CENPO: variants seen among roughly 807,000 people sequenced by gnomAD.
CENPO encodes centromere protein O.
Under a neutral mutation model 36.1 loss-of-function variants are expected in CENPO, and 30 were observed. That is an observed-to-expected ratio of 0.83 (90% CI 0.62 to 1.13). CENPO has a LOEUF of 1.13. Among genes scored for constraint, CENPO ranks in the 50% most tolerant of loss-of-function variants. The pLI, the probability that CENPO is intolerant of heterozygous loss-of-function variation, is 0.00. For synonymous variants in CENPO, 171 were observed against 142.3 expected (o/e 1.20, Z -1.44); for missense variants, 349 against 357.8 (o/e 0.98, Z 0.20).
intron 3 of CENPO, among the ~76,000 whole-genome samples, chr2:24,807,089 C>T (rs1666439415): frequency 1.3e-5 from 2 of 152,200 alleles, no homozygotes; most frequent in African/African-American, 4.8e-5. Flanking sequence ...GTCAACAACC[C>T]TTCATTGCCC....
rs1401695241 is a variant in CENPO, at chr2:24,793,483, A to G, written c.-87A>G. Reference sequence around the variant, plus strand: ...GGTTTTGAAGACGTGGATGGCGGGAATTCTCGCTTCTGGCCTGGGTGAGCT... The same window carrying G: ...GGTTTTGAAGACGTGGATGGCGGGAGTTCTCGCTTCTGGCCTGGGTGAGCT... On this transcript the variant is annotated 5_prime_UTR_variant, in exon 1 of 8. Transcript: ENST00000380834. 1.9e-6 allele frequency: 3 copies of G among 1,602,682 alleles called. No individual in the cohort carries two copies. The East Asian group carries it at 6.7e-5, about 36-fold the overall frequency.
At position 24,820,573 on chromosome 2, in the gene CENPO, T is replaced by C; in HGVS notation, c.*1255T>C. 6.9e-7 allele frequency: 1 copy of C among 1,450,464 alleles called. No individual in the cohort carries two copies. Among genetic ancestry groups the C allele is most frequent in the Non-Finnish European group, 9.2e-7 (1 of 1,089,290 alleles). The allele number at this position is 1,450,464 out of a possible 1,614,324, so 89.8% of individuals were successfully genotyped here. On this transcript the variant is annotated 3_prime_UTR_variant, in exon 8 of 8. Transcript: ENST00000380834. The stretch of plus-strand genomic sequence containing the variant: ...TTCTTCCTGTGCTGAGGCTAGCTAT[T>C]GCAGAGATTCTTTTCCACTTGCCCC...
Position 24,821,880 on chromosome 2 carries a change from T to G in CENPO, c.*2562T>G. 1 of 503,894 alleles carries G rather than the reference T, an allele frequency of 2.0e-6. No individual in the cohort carries two copies. The highest frequency in any genetic ancestry group is 2.7e-5 in the South Asian group (1 of 37,374). 31.2% of individuals were successfully genotyped at this position (503,894 alleles called of 1,614,324 possible). On this transcript the variant is annotated 3_prime_UTR_variant, in exon 8 of 8. Transcript: ENST00000380834. ...AGCAGAGGAGACGGACCTGTGAGTCTGACCACGAGGCGGACCCCTTCACCT... is the reference window on the plus strand; with the variant it reads ...AGCAGAGGAGACGGACCTGTGAGTCGGACCACGAGGCGGACCCCTTCACCT...
intron 7 of CENPO, among the ~76,000 whole-genome samples, chr2:24,818,957 G>A (rs1415695463): frequency 6.6e-6 from 1 of 152,268 alleles, no homozygotes. Context: ...CAGGAACAGT[G>A]CAGGGGATTA....
chr2:24,793,609 C>G, intron 1 of CENPO, 108 bp downstream of exon 1: 1 of 1,441,728 alleles, frequency 6.9e-7, no homozygotes, highest in Non-Finnish European at 9.2e-7. Context: ...GCCGGGAAGC[C>G]CGCTGGACCA....
At position 24,820,731 on chromosome 2, in the gene CENPO, T is replaced by G; in HGVS notation, c.*1413T>G. The G allele has an allele frequency of 6.2e-7, 1 of 1,614,120 alleles. No individual in the cohort carries two copies. Among genetic ancestry groups the G allele is most frequent in the Non-Finnish European group, 8.5e-7 (1 of 1,179,998 alleles). ...CTGTGCCACTGGACATACCTGAATG[T>G]TGCCCATGACCCCCGTGGACTCCAT... On this transcript the variant is annotated 3_prime_UTR_variant, in exon 8 of 8. Coordinates refer to ENST00000380834, the MANE Select transcript of CENPO (RefSeq NM_001322101.2).
At chr2:24,806,087 A>G (rs900937671) in intron 3 of CENPO, among the ~76,000 whole-genome samples, 11 of 152,320 alleles carry the variant, frequency 7.2e-5, no homozygotes, top group South Asian at 2.1e-4. Flanking sequence ...TGTGCTAGCA[A>G]TGAGCAGGCT....
chr2:24,816,066 C>G (rs1247234850), intron 5 of CENPO: 1 of 366,890 alleles, frequency 2.7e-6, no homozygotes, highest in African/African-American at 2.1e-5. Flanking sequence ...TATGGCGTGC[C>G]TACTATGTAC....
At chr2:24,817,411 C>T (rs903570997) in intron 6 of CENPO, among the ~76,000 whole-genome samples, 1 of 148,234 alleles carries the variant, frequency 6.7e-6, no homozygotes, top group Non-Finnish European at 1.5e-5. Flanking sequence ...AGTTAGATTC[C>T]AGTCCCCAGT....
intron 3 of CENPO, among the ~76,000 whole-genome samples, chr2:24,804,942 C>T (rs1425421281): frequency 6.6e-6 from 1 of 152,200 alleles, no homozygotes. Context: ...GTTCCATTCT[C>T]CCCATCACTT....
chr2:24,799,886 T>C (rs1167620616), intron 3 of CENPO, 42 bp downstream of exon 3: 2 of 1,591,126 alleles, frequency 1.3e-6, no homozygotes, highest in Non-Finnish European at 1.7e-6. Flanking sequence ...TAGAGTATAA[T>C]GAACAAACGT....
Position 24,817,685 on chromosome 2 carries a change from C to A in CENPO, c.782C>A (p.Ser261Tyr), listed in dbSNP as rs1436666936. The change falls in exon 7 of 8, where the codon TCC (serine) becomes TAC (tyrosine). Residue 261 changes from serine to tyrosine, a missense_variant. Coordinates refer to ENST00000380834, the MANE Select transcript of CENPO (RefSeq NM_001322101.2). ...TTCTTTTTAGGAGTGGAAGTATTAT[C>A]CACTTCATGGGAGGAGCAACGAGCA... ...TVTCQGVEVL[S>Y]TSWEEQRASH... is the part of the protein sequence containing the mutation. 4 of 1,614,152 alleles carry A rather than the reference C, an allele frequency of 2.5e-6. No homozygotes were observed. The highest frequency in any genetic ancestry group is 3.4e-6 in the Non-Finnish European group (4 of 1,180,012).
In CENPO at chr2:24,821,949, T is replaced by C; in HGVS notation, c.*2631T>C. 3.1e-6 allele frequency: 1 copy of C among 319,194 alleles called. No individual in the cohort carries two copies. The highest frequency in any genetic ancestry group is 4.5e-5 in the South Asian group (1 of 22,048). The allele number at this position is 319,194 out of a possible 1,614,324, so 19.8% of individuals were successfully genotyped here. ...GTCCTTAGGTTTTGTCAGGTTGTCC[T>C]TGTTTGGATCCCTCAACTAGGTGAT... On this transcript the variant is annotated 3_prime_UTR_variant, in exon 8 of 8. Transcript: ENST00000380834.
chr2:24,822,314 T>C lies in CENPO; in HGVS notation c.*2996T>C, dbSNP rs1265803659. ...GCCTGAGCTGTGAACAGCAGGGGGT[T>C]GTGTGTCTGTTCTGTTTCTCTGCTT... On this transcript the variant is annotated 3_prime_UTR_variant, in exon 8 of 8. Coordinates refer to ENST00000380834, the MANE Select transcript of CENPO (RefSeq NM_001322101.2). The C allele has an allele frequency of 1.4e-6, 1 of 693,986 alleles. No individual in the cohort carries two copies. 43.0% of individuals were successfully genotyped at this position (693,986 alleles called of 1,614,324 possible).
chr2:24,817,065 G>A (rs959875906), intron 6 of CENPO, among the ~76,000 whole-genome samples: 2 of 152,016 alleles, frequency 1.3e-5, no homozygotes, highest in Admixed American at 6.6e-5. Context: ...CAGTGTTCTC[G>A]CAGCCTATGA....
At chr2:24,806,349 C>T (rs552589250) in intron 3 of CENPO, among the ~76,000 whole-genome samples, 2 of 152,246 alleles carry the variant, frequency 1.3e-5, no homozygotes, top group South Asian at 2.1e-4. Flanking sequence ...CGGTCCGACA[C>T]TTCCCAGAGA....
Position 24,814,231 on chromosome 2 carries a change from C to T in CENPO, c.217-145C>T, listed in dbSNP as rs183627607. ...TGAGATTCTTCCTCTGCAGTGAATT[C>T]ATAGCAATAACTGACCGGCCACTGT... On this transcript the variant is annotated intron_variant, in intron 3 of 7. Coordinates refer to ENST00000380834, the MANE Select transcript of CENPO (RefSeq NM_001322101.2). 1.6e-3 allele frequency: 1,044 copies of T among 664,522 alleles called. 4 individuals carry two copies. Among genetic ancestry groups the T allele is most frequent in the Non-Finnish European group, 2.5e-3 (927 of 364,852 alleles). 41.2% of individuals were successfully genotyped at this position (664,522 alleles called of 1,614,324 possible).
chr2:24,813,704 C>T (rs371946024), intron 3 of CENPO, among the ~76,000 whole-genome samples: 1 of 152,134 alleles, frequency 6.6e-6, no homozygotes, highest in Non-Finnish European at 1.5e-5. Flanking sequence ...GTGTTTGTTC[C>T]GGATGAGACT....
Position 24,821,779 on chromosome 2 carries a change from G to C in CENPO, c.*2461G>C. ...GCCTTACTTTTCCTCCCACAAAGGA[G>C]TCGCAGCCACGCTAGCTCTGACTTG... On this transcript the variant is annotated 3_prime_UTR_variant, in exon 8 of 8. Transcript: ENST00000380834. The C allele has an allele frequency of 7.6e-7, 1 of 1,308,540 alleles. No individual in the cohort carries two copies. The highest frequency in any genetic ancestry group is 1.0e-6 in the Non-Finnish European group (1 of 962,456). The allele number at this position is 1,308,540 out of a possible 1,614,324, so 81.1% of individuals were successfully genotyped here.
Sources: allele counts gnomAD v4.1 joint callset (sites outside exome capture counted in the v4.1 genomes callset), GRCh38; gene constraint gnomAD v4.1.1; transcripts MANE v1.5; gene names NCBI Gene and HGNC (gene_info 2026-07-23, HGNC 2026-07-21).